JMY: variants seen among roughly 807,000 people sequenced by gnomAD.
JMY encodes the protein junction mediating and regulatory protein, p53 cofactor, also known as junction-mediating and -regulatory protein.
In JMY, 46 loss-of-function variants were observed where a neutral mutation model predicts 103.3. The observed-to-expected ratio is 0.45, with a 90% CI of 0.35 to 0.57. The LOEUF is 0.57. Ranked by LOEUF, JMY falls within the 20% of genes least tolerant of loss-of-function variation. The probability of loss-of-function intolerance (pLI) is 0.00; values close to 1 mark genes in which losing one functional copy is unlikely to be tolerated. For synonymous variants in JMY, 526 were observed against 489.3 expected (o/e 1.07, Z -0.99); for missense variants, 1,238 against 1,255.2 (o/e 0.99, Z 0.21).
intron 1 of JMY, among the ~76,000 whole-genome samples, chr5:79,244,996 T>A (rs1484825473): frequency 1.3e-5 from 2 of 152,154 alleles, no homozygotes; most frequent in Non-Finnish European, 2.9e-5. Flanking sequence ...AATTTGGAGT[T>A]GTTTTCCTAA....
At chr5:79,247,833 G>GTATTT (rs111777821) in intron 1 of JMY, among the ~76,000 whole-genome samples, 60 of 147,388 alleles carry the variant, frequency 4.1e-4, no homozygotes, top group Admixed American at 9.4e-4. Flanking sequence ...TTGTATTTTT[G>GTATTT]TATTTTATTT....
chr5:79,263,141 C>G (rs188705481), intron 1 of JMY, among the ~76,000 whole-genome samples: 347 of 152,218 alleles, frequency 2.3e-3, no homozygotes, highest in Non-Finnish European at 3.7e-3. Context: ...AACACTTTTG[C>G]TATTCCTGAA....
chr5:79,290,753 C>T (rs1008495439), intron 3 of JMY, among the ~76,000 whole-genome samples: 3 of 151,992 alleles, frequency 2.0e-5, no homozygotes, highest in Admixed American at 6.6e-5. Flanking sequence ...TTTGGGAGGC[C>T]GAGGCAGGTG....
intron 1 of JMY, among the ~76,000 whole-genome samples, chr5:79,248,463 C>A (rs1744975293): frequency 6.6e-6 from 1 of 151,382 alleles, no homozygotes; most frequent in South Asian, 2.1e-4. Context: ...CGTGCTACCA[C>A]ACCCAGCTAA....
chr5:79,241,185 T>A (rs1744729972), intron 1 of JMY, among the ~76,000 whole-genome samples: 1 of 152,196 alleles, frequency 6.6e-6, no homozygotes, highest in Admixed American at 6.5e-5. Flanking sequence ...TTGTTTTTAA[T>A]AGAACAGACT....
intron 1 of JMY, among the ~76,000 whole-genome samples, chr5:79,253,483 G>T (rs888459873): frequency 6.6e-6 from 1 of 151,916 alleles, no homozygotes; most frequent in Admixed American, 6.6e-5. Context: ...TAGTAGAGAT[G>T]GGGTTTCACC....
chr5:79,276,494 A>G lies in JMY; in HGVS notation c.1033-1416A>G, dbSNP rs149650855. ...ACCTAGGCTGCAGTTCTGTGGCACA[A>G]TCACAGCTCACTGCAGACCCGTCCT... On this transcript the variant is annotated intron_variant, in intron 1 of 10. Transcript: ENST00000396137. Among the ~76,000 whole-genome samples, 24 of 151,942 alleles carry G rather than the reference A, an allele frequency of 1.6e-4. No individual in the cohort carries two copies. In the East Asian group the frequency reaches 4.1e-3, roughly 26 times the overall value.
At chr5:79,260,195 C>T (rs1414653462) in intron 1 of JMY, among the ~76,000 whole-genome samples, 1 of 152,232 alleles carries the variant, frequency 6.6e-6, no homozygotes, top group Non-Finnish European at 1.5e-5. Flanking sequence ...GCTCACAGAC[C>T]CTTGGGATGC....
intron 6 of JMY, among the ~76,000 whole-genome samples, chr5:79,304,473 C>T (rs192807017): frequency 6.2e-4 from 94 of 152,080 alleles, no homozygotes; most frequent in Non-Finnish European, 1.0e-3. Context: ...AGGTGGTCCC[C>T]GGCTGTGCTG....
At chr5:79,310,146 T>A (rs549166348) in intron 7 of JMY, among the ~76,000 whole-genome samples, 5 of 128,778 alleles carry the variant, frequency 3.9e-5, no homozygotes, top group African/African-American at 1.5e-4. Flanking sequence ...CACTGCAACC[T>A]CTACCTCCTG....
At chr5:79,273,732 G>A (rs1032056496) in intron 1 of JMY, among the ~76,000 whole-genome samples, 4 of 152,152 alleles carry the variant, frequency 2.6e-5, no homozygotes, top group Non-Finnish European at 5.9e-5. Flanking sequence ...CCAAGAGTTC[G>A]AGACCAGCCT....
intron 1 of JMY, among the ~76,000 whole-genome samples, chr5:79,258,915 G>T (rs1307309862): frequency 1.3e-5 from 2 of 152,184 alleles, no homozygotes; most frequent in East Asian, 3.8e-4. Flanking sequence ...CATTCCCTGG[G>T]TCTTGAGTTC....
At chr5:79,242,858 A>G (rs1276902062) in intron 1 of JMY, among the ~76,000 whole-genome samples, 2 of 150,758 alleles carry the variant, frequency 1.3e-5, no homozygotes, top group Non-Finnish European at 2.9e-5. Context: ...ATCTCAGCTC[A>G]CTGCAACCTC....
chr5:79,322,366 G>C lies in JMY; in HGVS notation c.*764G>C, dbSNP rs190887348. 1.3e-5 allele frequency: 2 copies of C among 152,246 alleles called. No individual in the cohort carries two copies. Among genetic ancestry groups the C allele is most frequent in the African/African-American group, 4.8e-5 (2 of 41,542 alleles). The allele number at this position is 152,246 out of a possible 1,614,324, so 9.4% of individuals were successfully genotyped here. Reference sequence around the variant, plus strand: ...AATTTTATGTGCATCCTTGTTTATGGAAGGCAGTACTTTGATAATATTTCA... The same window carrying C: ...AATTTTATGTGCATCCTTGTTTATGCAAGGCAGTACTTTGATAATATTTCA... On this transcript the variant is annotated 3_prime_UTR_variant, in exon 11 of 11. Transcript: ENST00000396137.
In JMY at chr5:79,302,565, C is replaced by CA. The variant is rs140296965; in HGVS notation, c.1881+1703dup. Among the ~76,000 whole-genome samples the CA allele has an allele frequency of 9.4e-3, 1,437 of 152,154 alleles. 25 individuals carry two copies. Among genetic ancestry groups the CA allele is most frequent in the African/African-American group, 0.033 (1,367 of 41,510 alleles). On this transcript the variant is annotated intron_variant, in intron 6 of 10. Transcript: ENST00000396137. ...GGTGTTGGGGTAATTACAAGCAGGACAGAATAGTTTTTAGCAAAGACACTG... is the reference window on the plus strand; with the variant it reads ...GGTGTTGGGGTAATTACAAGCAGGACAAGAATAGTTTTTAGCAAAGACACTG...
chr5:79,316,253 C>T lies in JMY; in HGVS notation c.2913C>T (p.Ser971=). The change falls in exon 10 of 11, where the codon TCC becomes TCT. Residue 971 remains serine, a synonymous_variant. Coordinates refer to ENST00000396137, the MANE Select transcript of JMY (RefSeq NM_152405.5). ...HEALRRIKEA[S]PESEDEEEAL... ...CTCTTAGAAGAATTAAAGAAGCATC[C>T]CCAGAGTCAGAGGACGAAGAGGAGG... 1 of 1,613,822 alleles carries T rather than the reference C, an allele frequency of 6.2e-7. No individual in the cohort carries two copies. Among genetic ancestry groups the T allele is most frequent in the Non-Finnish European group, 8.5e-7 (1 of 1,179,888 alleles).
chr5:79,253,297 A>T (rs1745143280), intron 1 of JMY, among the ~76,000 whole-genome samples: 2 of 150,372 alleles, frequency 1.3e-5, no homozygotes, highest in Middle Eastern at 3.2e-3. Context: ...TCATCATTTA[A>T]TCTTTTTTTT....
intron 7 of JMY, among the ~76,000 whole-genome samples, chr5:79,307,226 T>C (rs970577474): frequency 6.6e-6 from 1 of 152,180 alleles, no homozygotes; most frequent in African/African-American, 2.4e-5. Context: ...GGAGGGCTTT[T>C]TGTGCACATA....
Position 79,247,574 on chromosome 5 carries a change from C to A in JMY, c.1032+9892C>A, listed in dbSNP as rs1315773070. ...TCAAGCCATCTGCCTGCCTCAGTCTCCTAAAGTATTGGGATTATAAACGTG... is the reference window on the plus strand; with the variant it reads ...TCAAGCCATCTGCCTGCCTCAGTCTACTAAAGTATTGGGATTATAAACGTG... On this transcript the variant is annotated intron_variant, in intron 1 of 10. Transcript: ENST00000396137. Among the ~76,000 whole-genome samples, 3 of 152,256 alleles carry A rather than the reference C, an allele frequency of 2.0e-5. No homozygotes were observed. The East Asian group carries it at 5.8e-4, about 29-fold the overall frequency.
Sources: gnomAD v4.1 joint callset for allele counts (sites outside exome capture counted in the v4.1 genomes callset) on GRCh38, gnomAD v4.1.1 for gene constraint, MANE v1.5 for transcripts, NCBI Gene and HGNC (gene_info 2026-07-23, HGNC 2026-07-21) for gene names.